The following CDK14 variants were observed in gnomAD, a reference collection of about 807,000 sequenced individuals.
CDK14 encodes cyclin-dependent kinase 14.
In CDK14, 34 loss-of-function variants were observed where a neutral mutation model predicts 60.7. The ratio of observed to expected loss-of-function variants is 0.56; its 90% CI spans 0.43 to 0.75. The LOEUF is 0.75. CDK14 is among the 30% of genes least tolerant of loss of function. The probability of loss-of-function intolerance (pLI) is 0.00; values close to 1 mark genes in which losing one functional copy is unlikely to be tolerated. For synonymous variants in CDK14, 197 were observed against 203.7 expected, an observed-to-expected ratio of 0.97 and a Z score of 0.28; for missense variants, 482 against 564.1, an observed-to-expected ratio of 0.85 and a Z score of 1.47.
intron 4 of CDK14, among the ~76,000 whole-genome samples, chr7:90,781,659 T>C (rs143860339): frequency 0.087 from 13,100 of 151,078 alleles, 954 homozygotes; most frequent in East Asian, 0.42. Flanking sequence ...CCCAGCACCA[T>C]GTATTAAATA....
intron 10 of CDK14, among the ~76,000 whole-genome samples, chr7:91,037,621 T>G (rs566262894): frequency 6.6e-6 from 1 of 152,330 alleles, no homozygotes; most frequent in South Asian, 2.1e-4. Context: ...CACACCAACC[T>G]GATACAGGAT....
intron 8 of CDK14, among the ~76,000 whole-genome samples, chr7:90,942,721 G>A (rs1158472743): frequency 2.6e-5 from 4 of 152,162 alleles, no homozygotes; most frequent in African/African-American, 7.2e-5. Context: ...CAGAAACATG[G>A]CTCTGCTAAA....
intron 14 of CDK14, among the ~76,000 whole-genome samples, chr7:91,181,289 TAG>T (rs1297427916): frequency 2.6e-5 from 4 of 152,178 alleles, no homozygotes. Flanking sequence ...ACTTGTCCTT[TAG>T]AGTTTCCCAC....
At chr7:91,055,913 C>G (rs1441998134) in intron 11 of CDK14, among the ~76,000 whole-genome samples, 2 of 152,190 alleles carry the variant, frequency 1.3e-5, no homozygotes, top group Non-Finnish European at 2.9e-5. Context: ...TGGCCGTACA[C>G]TTTTAATTGC....
chr7:90,668,874 A>T (rs1017404686), intron 2 of CDK14, among the ~76,000 whole-genome samples: 25 of 143,944 alleles, frequency 1.7e-4, no homozygotes, highest in Non-Finnish European at 2.9e-4. Context: ...GTGCCTGGCT[A>T]TTTTTTTTTT....
intron 2 of CDK14, among the ~76,000 whole-genome samples, chr7:90,638,177 T>C (rs1034457598): frequency 2.0e-5 from 3 of 152,148 alleles, no homozygotes; most frequent in Non-Finnish European, 4.4e-5. Flanking sequence ...GCCATTATGA[T>C]GTTAGCTGGT....
rs140683109 is a variant in CDK14, at chr7:91,105,110, GA to G, written c.1155-7430del. Among the ~76,000 whole-genome samples, 460 of 152,248 alleles carry G rather than the reference GA, an allele frequency of 3.0e-3. 4 individuals carry two copies. The highest frequency in any genetic ancestry group is 0.01 in the African/African-American group (431 of 41,556). Reference sequence around the variant, plus strand: ...GATTTCAGATGCGCAGCTGAACCAAGAAGAAAATAAGTAAAATCTCCAGAAA... The same window carrying G: ...GATTTCAGATGCGCAGCTGAACCAAGAGAAAATAAGTAAAATCTCCAGAAA... On this transcript the variant is annotated intron_variant, in intron 12 of 14. Coordinates refer to ENST00000380050, the MANE Select transcript of CDK14 (RefSeq NM_001287135.2).
At chr7:91,004,629 A>T (rs1035039618) in intron 10 of CDK14, among the ~76,000 whole-genome samples, 1 of 152,210 alleles carries the variant, frequency 6.6e-6, no homozygotes, top group Non-Finnish European at 1.5e-5. Flanking sequence ...GGTAAGTTGG[A>T]TGACTTGGAA....
chr7:90,918,770 G>C (rs749905195), intron 8 of CDK14, among the ~76,000 whole-genome samples: 6 of 152,150 alleles, frequency 3.9e-5, no homozygotes, highest in Non-Finnish European at 8.8e-5. Flanking sequence ...ATAAAAGAAG[G>C]CAGGAAATGT....
intron 2 of CDK14, among the ~76,000 whole-genome samples, chr7:90,716,003 A>T (rs544578208): frequency 2.0e-5 from 3 of 152,108 alleles, no homozygotes; most frequent in African/African-American, 7.2e-5. Flanking sequence ...TGGTCGTATG[A>T]TATGAATTCT....
intron 4 of CDK14, among the ~76,000 whole-genome samples, chr7:90,787,650 G>A (rs1805654459): frequency 6.6e-6 from 1 of 152,116 alleles, no homozygotes; most frequent in South Asian, 2.1e-4. Context: ...TGATAAAACA[G>A]GAAAAGTCCC....
chr7:90,724,489 TA>T (rs1411222338), intron 2 of CDK14, among the ~76,000 whole-genome samples: 5 of 151,484 alleles, frequency 3.3e-5, no homozygotes, highest in Admixed American at 6.6e-5. Flanking sequence ...TTTATTTATT[TA>T]TTTTTTTTTT....
intron 5 of CDK14, among the ~76,000 whole-genome samples, chr7:90,803,377 A>G (rs186465701): frequency 6.6e-6 from 1 of 152,292 alleles, no homozygotes; most frequent in African/African-American, 2.4e-5. Context: ...CAAAAAATTA[A>G]TGGGCCTCTA....
At chr7:91,053,693 C>T (rs1797460755) in intron 11 of CDK14, among the ~76,000 whole-genome samples, 2 of 152,178 alleles carry the variant, frequency 1.3e-5, no homozygotes, top group South Asian at 4.1e-4. Context: ...TGTTTGAACC[C>T]TTAGCCTTTA....
At chr7:90,831,896 T>C (rs1038512053) in intron 5 of CDK14, among the ~76,000 whole-genome samples, 2 of 152,096 alleles carry the variant, frequency 1.3e-5, no homozygotes, top group African/African-American at 4.8e-5. Context: ...CTTGTTTTTC[T>C]TTAATCTCAC....
chr7:90,784,456 G>A (rs1193092734), intron 4 of CDK14, among the ~76,000 whole-genome samples: 1 of 152,140 alleles, frequency 6.6e-6, no homozygotes, highest in African/African-American at 2.4e-5. Context: ...TGGTTGAGGT[G>A]GTGGATGCCT....
chr7:91,136,041 T>C (rs1360860071), intron 14 of CDK14, among the ~76,000 whole-genome samples: 1 of 151,918 alleles, frequency 6.6e-6, no homozygotes, highest in Non-Finnish European at 1.5e-5. Context: ...AGATAAAAAC[T>C]AATTTTTATT....
intron 14 of CDK14, among the ~76,000 whole-genome samples, chr7:91,193,529 T>C (rs1180203385): frequency 3.3e-5 from 5 of 152,168 alleles, no homozygotes; most frequent in Admixed American, 3.3e-4. Flanking sequence ...TGGAAAAATA[T>C]GCAATTATAA....
At chr7:91,029,699 A>G (rs1214872342) in intron 10 of CDK14, among the ~76,000 whole-genome samples, 3 of 145,564 alleles carry the variant, frequency 2.1e-5, no homozygotes, top group Non-Finnish European at 4.5e-5. Flanking sequence ...TTTGATTTTC[A>G]GCTTGGTCAT....
Sources: gnomAD v4.1 joint callset for allele counts (sites outside exome capture counted in the v4.1 genomes callset) on GRCh38, gnomAD v4.1.1 for gene constraint, MANE v1.5 for transcripts, NCBI Gene and HGNC (gene_info 2026-07-23, HGNC 2026-07-21) for gene names.